Variants in CHCHD6 observed in about 807,000 individuals in gnomAD.
The protein encoded by CHCHD6 is coiled-coil-helix-coiled-coil-helix domain containing 6.
CHCHD6 carries 28 observed loss-of-function variants against 32.3 expected under a neutral mutation model. That is an observed-to-expected ratio of 0.87 (90% CI 0.64 to 1.19). CHCHD6 has a LOEUF of 1.19. Among genes scored for constraint, CHCHD6 ranks in the 50% most tolerant of loss-of-function variants. CHCHD6 has a pLI of 0.00. For synonymous variants in CHCHD6, 122 were observed against 117.5 expected (o/e 1.04, Z -0.25); for missense variants, 333 against 307.0 (o/e 1.08, Z -0.63).
intron 4 of CHCHD6, among the ~76,000 whole-genome samples, chr3:126,742,680 A>C (rs1431832452): frequency 6.6e-6 from 1 of 152,046 alleles, no homozygotes; most frequent in Non-Finnish European, 1.5e-5. Context: ...GAGAGAGCAC[A>C]CTCAGCCCCC....
At chr3:126,771,064 A>G (rs1004944286) in intron 4 of CHCHD6, among the ~76,000 whole-genome samples, 1 of 152,034 alleles carries the variant, frequency 6.6e-6, no homozygotes, top group African/African-American at 2.4e-5. Context: ...GGGAGGTTGT[A>G]TGTGTCCAGG....
chr3:126,792,430 C>G (rs1005237233), intron 4 of CHCHD6, among the ~76,000 whole-genome samples: 1 of 152,038 alleles, frequency 6.6e-6, no homozygotes, highest in African/African-American at 2.4e-5. Context: ...ATGCAGCCCA[C>G]AGACTTTTGA....
At chr3:126,737,119 G>A (rs191305658) in intron 4 of CHCHD6, among the ~76,000 whole-genome samples, 20 of 152,060 alleles carry the variant, frequency 1.3e-4, no homozygotes, top group South Asian at 8.3e-4. Context: ...TCAGGAGTTC[G>A]AGACCAGCCT....
At chr3:126,719,948 T>C (rs1935202235) in intron 1 of CHCHD6, among the ~76,000 whole-genome samples, 1 of 152,096 alleles carries the variant, frequency 6.6e-6, no homozygotes, top group Non-Finnish European at 1.5e-5. Flanking sequence ...TGGCGTGATC[T>C]CAGCTTACTG....
intron 6 of CHCHD6, chr3:126,934,961 A>G (rs1436448055): frequency 5.6e-6 from 1 of 177,650 alleles, no homozygotes; most frequent in African/African-American, 2.4e-5. Flanking sequence ...TTTAAAATAA[A>G]GGAGGACTGA....
chr3:126,838,570 A>C (rs1047894572), intron 4 of CHCHD6, among the ~76,000 whole-genome samples: 1 of 152,268 alleles, frequency 6.6e-6, no homozygotes, highest in East Asian at 1.9e-4. Context: ...AATTGTGCCA[A>C]CCTCATGGAA....
rs115329936 is a variant in CHCHD6 at position 126,766,355 on chromosome 3, C to T, written c.411+33133C>T. ...TCAGCTTTTGCTTTTTTAAATACCT[C>T]GTTTGACTTCCCATCCCAGTGCACA... is the stretch of plus-strand genomic sequence containing the variant. On this transcript the variant is annotated intron_variant, in intron 4 of 7. Transcript: ENST00000290913. 962 of 444,874 alleles carry T rather than the reference C, an allele frequency of 2.2e-3. 6 individuals are homozygous for T. The highest frequency in any genetic ancestry group is 0.018 in the African/African-American group (897 of 49,800). 27.6% of individuals were successfully genotyped at this position (444,874 alleles called of 1,614,324 possible). A position where few individuals can be genotyped will look rare whatever the true frequency, so the allele number is the denominator to read the frequency against.
chr3:126,863,263 A>T (rs1328574633), intron 5 of CHCHD6, among the ~76,000 whole-genome samples: 1 of 129,086 alleles, frequency 7.7e-6, no homozygotes, highest in Non-Finnish European at 1.7e-5. Context: ...CTCCTCCACC[A>T]TCACAACCGC....
rs947162385 is a variant in CHCHD6, at chr3:126,935,203, T to C, written c.566+20453T>C. 25 of 965,548 alleles carry C rather than the reference T, an allele frequency of 2.6e-5. No individual in the cohort carries two copies. In the African/African-American group the frequency reaches 4.2e-4, roughly 16 times the overall value. The allele number at this position is 965,548 out of a possible 1,614,324, so 59.8% of individuals were successfully genotyped here. Reference sequence around the variant, plus strand: ...GAATGTCAGGTAGTGGTGAGCGGGATGGCAGGGCTGGCATGAGGCAGAGGG... The same window carrying C: ...GAATGTCAGGTAGTGGTGAGCGGGACGGCAGGGCTGGCATGAGGCAGAGGG... On this transcript the variant is annotated intron_variant, in intron 6 of 7. Coordinates refer to ENST00000290913, the MANE Select transcript of CHCHD6 (RefSeq NM_032343.3).
chr3:126,759,431 T>C (rs1357288250), intron 4 of CHCHD6, among the ~76,000 whole-genome samples: 1 of 152,236 alleles, frequency 6.6e-6, no homozygotes, highest in Non-Finnish European at 1.5e-5. Flanking sequence ...TCTTTTGTAG[T>C]GGTCATTTGA....
chr3:126,715,540 C>T (rs1165532129), intron 1 of CHCHD6, among the ~76,000 whole-genome samples: 1 of 152,144 alleles, frequency 6.6e-6, no homozygotes, highest in Non-Finnish European at 1.5e-5. Flanking sequence ...CTCTTGTATG[C>T]CTGGGATTCC....
intron 5 of CHCHD6, 116 bp from the exon 6 acceptor site, chr3:126,914,564 G>C: frequency 1.4e-6 from 1 of 715,772 alleles, no homozygotes; most frequent in South Asian, 1.6e-5. Context: ...ATTACCAGTC[G>C]GCTTTGATGC....
At chr3:126,729,883 A>G (rs1935708301) in intron 2 of CHCHD6, among the ~76,000 whole-genome samples, 1 of 152,194 alleles carries the variant, frequency 6.6e-6, no homozygotes, top group Non-Finnish European at 1.5e-5. Flanking sequence ...TTTGGCTGAC[A>G]GAGAGCTTTG....
intron 5 of CHCHD6, among the ~76,000 whole-genome samples, chr3:126,908,087 A>ATC (rs10624757): frequency 1 from 151,858 of 152,326 alleles, 75,698 homozygotes; most frequent in Middle Eastern, 1. Context: ...CTGTTGGAAA[A>ATC]TCTGCTTCAG....
intron 6 of CHCHD6, among the ~76,000 whole-genome samples, chr3:126,923,539 C>T (rs773278853): frequency 3.9e-5 from 6 of 152,200 alleles, no homozygotes; most frequent in Non-Finnish European, 7.3e-5. Flanking sequence ...CAGCAGGGCT[C>T]TGTCTGGATC....
In CHCHD6 at chr3:126,935,413, C is replaced by T. The variant is rs74890887; in HGVS notation, c.566+20663C>T. ...CCCAGAATAACTAGTCTGGAAGGCCCAGGCTTACATGATAACCAGGTTAAG... is the reference window on the plus strand; with the variant it reads ...CCCAGAATAACTAGTCTGGAAGGCCTAGGCTTACATGATAACCAGGTTAAG... On this transcript the variant is annotated intron_variant, in intron 6 of 7. Transcript: ENST00000290913. 2.2e-4 allele frequency among the ~76,000 whole-genome samples: 33 copies of T among 152,348 alleles called. No homozygotes were observed. In the East Asian group the frequency reaches 6.4e-3, roughly 29 times the overall value.
chr3:126,864,027 C>T (rs1296016692), intron 5 of CHCHD6, among the ~76,000 whole-genome samples: 2 of 149,636 alleles, frequency 1.3e-5, no homozygotes, highest in Non-Finnish European at 1.5e-5. Context: ...ACTCCTTCAC[C>T]ACCATCACCA....
At chr3:126,777,050 G>T (rs767787411) in intron 4 of CHCHD6, among the ~76,000 whole-genome samples, 1 of 152,056 alleles carries the variant, frequency 6.6e-6, no homozygotes, top group Admixed American at 6.6e-5. Flanking sequence ...TCCACCCTCT[G>T]TGTCTAGCTC....
intron 4 of CHCHD6, among the ~76,000 whole-genome samples, chr3:126,831,646 C>T (rs1940647090): frequency 6.6e-6 from 1 of 152,158 alleles, no homozygotes; most frequent in Admixed American, 6.5e-5. Context: ...TACGGTTGGA[C>T]TCAGAAGATG....
Sources: gnomAD v4.1 joint callset for allele counts (sites outside exome capture counted in the v4.1 genomes callset) on GRCh38, gnomAD v4.1.1 for gene constraint, MANE v1.5 for transcripts, NCBI Gene and HGNC (gene_info 2026-07-23, HGNC 2026-07-21) for gene names.